Variants in CUBN observed in about 807,000 individuals in gnomAD.
CUBN encodes 460 kDa receptor.
A neutral mutation model predicts 405.3 loss-of-function variants in CUBN; 282 were observed. That is an observed-to-expected ratio of 0.70 (90% CI 0.63 to 0.77). The LOEUF is 0.77. Among genes scored for constraint, CUBN ranks in the 30% least tolerant of loss-of-function variants. The pLI is 0.00. For missense variants in CUBN, 4,514 were observed against 4,475.2 expected (o/e 1.01, Z -0.25); for synonymous variants, 1,684 against 1,617.0 (o/e 1.04, Z -0.99).
chr10:17,123,651 C>T lies in CUBN; in HGVS notation c.426G>A (p.Gln142=), dbSNP rs1328913598. Residue 142 remains glutamine (Q), a synonymous_variant, in exon 5 of 67, where the codon CAG becomes CAA. Coordinates refer to ENST00000377833, the MANE Select transcript of CUBN (RefSeq NM_001081.4). ...GCAGATTGAGGCAGGTTCCACCATT[C>T]TGGCAAGGATTGCTGCTGCAAACCT... ...DKKVCSSNPC[Q]NGGTCLNLHD... The T allele has an allele frequency of 1.2e-6, 2 of 1,614,070 alleles. No individual in the cohort carries two copies. The highest frequency in any genetic ancestry group is 2.2e-5 in the South Asian group (2 of 91,022).
chr10:16,834,025 C>A (rs1224490793), intron 64 of CUBN, among the ~76,000 whole-genome samples: 1 of 152,190 alleles, frequency 6.6e-6, no homozygotes, highest in Non-Finnish European at 1.5e-5. Flanking sequence ...ACTCCACTCA[C>A]AGAGGAACTC....
At chr10:16,947,429 A>G in intron 35 of CUBN, 62 bp from the exon 36 acceptor site, 1 of 1,547,324 alleles carries the variant, frequency 6.5e-7, no homozygotes, top group Non-Finnish European at 8.9e-7. Flanking sequence ...ACTATAAAAT[A>G]AAGGAGAAAG....
At chr10:17,054,864 G>A (rs956837179) in intron 22 of CUBN, among the ~76,000 whole-genome samples, 2 of 151,944 alleles carry the variant, frequency 1.3e-5, no homozygotes, top group Non-Finnish European at 2.9e-5. Flanking sequence ...TTTCACTGGT[G>A]GAATTGTATC....
At position 16,838,455 on chromosome 10, in the gene CUBN, G is replaced by T. The variant is rs189174530; in HGVS notation, c.10032+1875C>A. Among the ~76,000 whole-genome samples the T allele has an allele frequency of 2.0e-5, 3 of 152,214 alleles. No homozygotes were observed. The East Asian group carries it at 5.8e-4, about 29-fold the overall frequency. On this transcript the variant is annotated intron_variant, in intron 62 of 66. Transcript: ENST00000377833. ...CTCCTGGTATCCATCCTCAGTTCGT[G>T]GCCAATCCCTTTGCATATTTTCCCC... is the stretch of plus-strand genomic sequence containing the variant.
Position 16,916,031 on chromosome 10 carries a change from C to T in CUBN, c.7001-1G>A, listed in dbSNP as rs764379478. 1.2e-6 allele frequency: 2 copies of T among 1,611,686 alleles called. No individual in the cohort carries two copies. Among genetic ancestry groups the T allele is most frequent in the Non-Finnish European group, 1.7e-6 (2 of 1,179,018 alleles). ...CCTGGTACTCTTCCCCCACACTGAG[C>T]TGCAAAAAATAAAAATAAATAAATA... On this transcript the variant is annotated splice_acceptor_variant, in intron 45 of 66. Transcript: ENST00000377833. LOFTEE classifies it high-confidence loss of function.
intron 41 of CUBN, among the ~76,000 whole-genome samples, chr10:16,926,321 C>G (rs190230089): frequency 6.6e-5 from 10 of 152,118 alleles, no homozygotes; most frequent in Admixed American, 5.2e-4. Context: ...TGAGAGATTC[C>G]AAAGGTAGCA....
chr10:16,954,501 A>C lies in CUBN; in HGVS notation c.4743T>G (p.Cys1581Trp), dbSNP rs1456178751. ...TGGGGTTAGCCAGCTGCTCCCTTCCACACGTCCTGGCAAGGCGGGACATTG... is the reference window on the plus strand; with the variant it reads ...TGGGGTTAGCCAGCTGCTCCCTTCCCCACGTCCTGGCAAGGCGGGACATTG... ...SSTMSRLART[C>W]GREQLANPIV... Residue 1581 changes from cysteine (C) to tryptophan (W), a missense_variant, in exon 32 of 67, where the codon TGT becomes TGG. Physicochemically the swap from Cys to Trp is radical, Grantham distance 215. Transcript: ENST00000377833. 1.2e-6 allele frequency: 2 copies of C among 1,613,900 alleles called. No homozygotes were observed. Among genetic ancestry groups the C allele is most frequent in the Admixed American group, 1.7e-5 (1 of 59,988 alleles).
rs527875843 is a variant in CUBN, at chr10:16,892,334, T to C, written c.8599-1807A>G. On this transcript the variant is annotated intron_variant, in intron 54 of 66. Transcript: ENST00000377833. The stretch of plus-strand genomic sequence containing the variant: ...GCCAAATGCCTAAGATCAATAAAAA[T>C]GTCAGGAAAAAAAATGCACCTACTC... 3.2e-4 allele frequency among the ~76,000 whole-genome samples: 48 copies of C among 152,104 alleles called. 1 individual carries two copies. Among genetic ancestry groups the C allele is most frequent in the African/African-American group, 1.2e-3 (48 of 41,490 alleles).
rs898875353 is a variant in CUBN, at chr10:16,936,861, C to T, written c.5926+731G>A. On this transcript the variant is annotated intron_variant, in intron 39 of 66. Transcript: ENST00000377833. The stretch of plus-strand genomic sequence containing the variant: ...CCTCCCGAGTAGCTGAGGCTACAGA[C>T]GCGCTCCACCACGCCCAGCTAATTT... Among the ~76,000 whole-genome samples the T allele has an allele frequency of 3.9e-5, 6 of 152,090 alleles. No homozygotes were observed. In the East Asian group the frequency reaches 5.8e-4, roughly 15 times the overall value.
intron 31 of CUBN, among the ~76,000 whole-genome samples, chr10:16,973,522 T>C (rs954296586): frequency 6.6e-6 from 1 of 152,214 alleles, no homozygotes; most frequent in African/African-American, 2.4e-5. Context: ...CAAGGGTCCA[T>C]GTGCAGGTTT....
At position 16,913,899 on chromosome 10, in the gene CUBN, A is replaced by T; in HGVS notation, c.7445T>A (p.Ile2482Asn). Reference sequence around the variant, plus strand: ...GATCCGCCTTCCCTCCGGGGCAGTGATTCTCCACTCGCAGATCCGGCCATG... The same window carrying T: ...GATCCGCCTTCCCTCCGGGGCAGTGTTTCTCCACTCGCAGATCCGGCCATG... ...NPHGRICEWR[I>N]TAPEGRRITL... Residue 2482 changes from isoleucine (I) to asparagine (N), a missense_variant, in exon 48 of 67, where the codon ATC (isoleucine) becomes AAC (asparagine). Ile to Asn is a moderately radical substitution (Grantham distance 149, BLOSUM62 -3). Transcript: ENST00000377833. 6.2e-7 allele frequency: 1 copy of T among 1,614,028 alleles called. No homozygotes were observed. Among genetic ancestry groups the T allele is most frequent in the East Asian group, 2.2e-5 (1 of 44,870 alleles).
Position 16,835,026 on chromosome 10 carries a change from G to A in CUBN, c.10350C>T (p.Asn3450=), listed in dbSNP as rs778538546. 3.1e-6 allele frequency: 5 copies of A among 1,613,636 alleles called. No homozygotes were observed. Among genetic ancestry groups the A allele is most frequent in the African/African-American group, 1.3e-5 (1 of 74,884 alleles). Residue 3450 remains asparagine (N), a synonymous_variant, in exon 64 of 67, where the codon AAC becomes AAT. Coordinates refer to ENST00000377833, the MANE Select transcript of CUBN (RefSeq NM_001081.4). ...AAATGCATATCACCTCCAAGAAATC[G>A]TTTCTGCATTCAACTGAGTTCTCGA... ...LGIENSVECR[N]DFLEVRNGSN...
chr10:17,001,787 T>C (rs545272326), intron 28 of CUBN, among the ~76,000 whole-genome samples: 1 of 152,330 alleles, frequency 6.6e-6, no homozygotes, highest in East Asian at 1.9e-4. Context: ...GGTGGTAAAA[T>C]CTATATTATT....
chr10:16,829,087 C>A (rs542812269), intron 65 of CUBN, 47 bp from the exon 66 acceptor site: 5 of 1,449,432 alleles, frequency 3.4e-6, no homozygotes, highest in Admixed American at 1.8e-5. Context: ...GCATATAAGC[C>A]GTCCAGTCTG....
At chr10:17,067,761 G>T (rs1039313677) in intron 21 of CUBN, among the ~76,000 whole-genome samples, 1 of 152,146 alleles carries the variant, frequency 6.6e-6, no homozygotes, top group South Asian at 2.1e-4. Flanking sequence ...TAGATTTGTG[G>T]TTTCCTGTGG....
chr10:16,865,042 C>CA (rs1171231583), intron 59 of CUBN, among the ~76,000 whole-genome samples: 1 of 135,104 alleles, frequency 7.4e-6, no homozygotes, highest in Admixed American at 8.9e-5. Flanking sequence ...GTCACTGGGT[C>CA]ACTGCAACCT....
intron 59 of CUBN, among the ~76,000 whole-genome samples, chr10:16,860,131 A>C (rs1839973086): frequency 6.6e-6 from 1 of 152,154 alleles, no homozygotes; most frequent in Non-Finnish European, 1.5e-5. Context: ...TTAAAGGAAA[A>C]CAAAAAGAAG....
intron 48 of CUBN, among the ~76,000 whole-genome samples, chr10:16,911,111 T>C (rs1477621136): frequency 1.3e-5 from 2 of 152,186 alleles, no homozygotes; most frequent in African/African-American, 2.4e-5. Context: ...GGAACTGATA[T>C]GTTTTACTAC....
chr10:16,935,319 T>C (rs899908350), intron 39 of CUBN, among the ~76,000 whole-genome samples: 1 of 151,998 alleles, frequency 6.6e-6, no homozygotes, highest in African/African-American at 2.4e-5. Flanking sequence ...GCCTACCTAA[T>C]TTTTTTAATC....
Sources: allele counts gnomAD v4.1 joint callset (sites outside exome capture counted in the v4.1 genomes callset), GRCh38; gene constraint gnomAD v4.1.1; transcripts MANE v1.5; gene names NCBI Gene and HGNC (gene_info 2026-07-23, HGNC 2026-07-21).